The following CAST variants were observed in gnomAD, a reference collection of about 807,000 sequenced individuals.
CAST encodes MIR583 host.
CAST carries 76 observed loss-of-function variants against 119.6 expected under a neutral mutation model. That is an observed-to-expected ratio of 0.64 (90% CI 0.53 to 0.77). The LOEUF is 0.77. CAST is among the 30% of genes least tolerant of loss of function. The probability of loss-of-function intolerance (pLI) is 0.00; values close to 1 mark genes in which losing one functional copy is unlikely to be tolerated. For missense variants in CAST, 953 were observed against 946.5 expected, an observed-to-expected ratio of 1.01 and a Z score of -0.09; for synonymous variants, 319 against 331.6, an observed-to-expected ratio of 0.96 and a Z score of 0.41.
chr5:96,131,737 A>C, the CAST span, among the ~76,000 whole-genome samples: 1 of 152,190 alleles, frequency 6.6e-6, no homozygotes, highest in Non-Finnish European at 1.5e-5. Context: ...TGAGACTGCT[A>C]ACTTCCTAGA....
chr5:96,046,120 C>T, the CAST span, among the ~76,000 whole-genome samples: 5 of 151,434 alleles, frequency 3.3e-5, no homozygotes, highest in Non-Finnish European at 5.9e-5. Context: ...AGGAGGCCAG[C>T]GTGGCTGGAG....
chr5:95,964,671 G>T, the CAST span, among the ~76,000 whole-genome samples: 3 of 152,284 alleles, frequency 2.0e-5, no homozygotes, highest in East Asian at 5.8e-4. Context: ...TGATCTTCAT[G>T]ATGATTCCAG....
chr5:96,502,318 T>C, the CAST span, among the ~76,000 whole-genome samples: 2 of 152,140 alleles, frequency 1.3e-5, no homozygotes, highest in Non-Finnish European at 2.9e-5. Flanking sequence ...CTGGTTGCTT[T>C]TGTTTATATT....
intron 3 of CAST, among the ~76,000 whole-genome samples, chr5:96,718,637 C>T (rs138368236): frequency 1.3e-3 from 204 of 152,036 alleles, no homozygotes; most frequent in African/African-American, 4.8e-3. Flanking sequence ...ACCCAGGGCT[C>T]CTAAAGCCAC....
chr5:96,172,901 G>T, the CAST span, among the ~76,000 whole-genome samples: 2 of 152,282 alleles, frequency 1.3e-5, no homozygotes, highest in African/African-American at 4.8e-5. Context: ...AACTTCCACT[G>T]CTGAGTCTGG....
At chr5:96,562,676 G>C (rs1452691625) in intron 1 of CAST, among the ~76,000 whole-genome samples, 1 of 152,036 alleles carries the variant, frequency 6.6e-6, no homozygotes, top group Non-Finnish European at 1.5e-5. Context: ...ATGACATATG[G>C]GCAAGGATAC....
At chr5:96,757,917 C>T (rs149553645) in intron 24 of CAST, among the ~76,000 whole-genome samples, 2 of 152,146 alleles carry the variant, frequency 1.3e-5, no homozygotes, top group East Asian at 3.9e-4. Context: ...TGTCAGTCTC[C>T]TAACCTCATG....
Position 96,740,949 on chromosome 5 carries a change from G to A in CAST, c.918+166G>A, listed in dbSNP as rs550775382. 1.9e-5 allele frequency: 12 copies of A among 616,524 alleles called. No individual in the cohort carries two copies. The South Asian group carries it at 2.5e-4, about 13-fold the overall frequency. 38.2% of individuals were successfully genotyped at this position (616,524 alleles called of 1,614,324 possible). A position where few individuals can be genotyped will look rare whatever the true frequency, so the allele number is the denominator to read the frequency against. On this transcript the variant is annotated intron_variant, in intron 13 of 31. Coordinates refer to ENST00000675179, the MANE Select transcript of CAST (RefSeq NM_001750.7). ...AGGGGTTGGTGGGAGGGTTGTCTCA[G>A]TGCTCCTGAGTCTCATAAGTAGGTT...
chr5:96,061,020 A>G, the CAST span, among the ~76,000 whole-genome samples: 2 of 152,024 alleles, frequency 1.3e-5, no homozygotes, highest in African/African-American at 4.8e-5. Flanking sequence ...ATCTTTTCTT[A>G]TAAAGACACT....
the CAST span, among the ~76,000 whole-genome samples, chr5:96,077,732 C>T: frequency 6.6e-6 from 1 of 152,312 alleles, no homozygotes; most frequent in South Asian, 2.1e-4. Flanking sequence ...CTCCCCTTCT[C>T]CTTCTACCAT....
the CAST span, among the ~76,000 whole-genome samples, chr5:96,049,229 A>G: frequency 6.6e-6 from 1 of 152,156 alleles, no homozygotes; most frequent in Non-Finnish European, 1.5e-5. Flanking sequence ...ACATGATTTT[A>G]AAAAAAGAAG....
chr5:96,268,861 T>C, the CAST span, among the ~76,000 whole-genome samples: 1 of 152,178 alleles, frequency 6.6e-6, no homozygotes, highest in African/African-American at 2.4e-5. Flanking sequence ...GTAATCCCCA[T>C]GTGTAGGGGA....
the CAST span, among the ~76,000 whole-genome samples, chr5:96,004,877 A>G: frequency 1.3e-5 from 2 of 152,160 alleles, no homozygotes; most frequent in Admixed American, 1.3e-4. Flanking sequence ...TTGTAAAGCA[A>G]CTCTTCAAAA....
chr5:96,076,737 C>T, the CAST span, among the ~76,000 whole-genome samples: 1 of 152,052 alleles, frequency 6.6e-6, no homozygotes, highest in Admixed American at 6.6e-5. Flanking sequence ...AACCATCAAG[C>T]TCAATGATTG....
At chr5:96,481,786 G>C in the CAST span, among the ~76,000 whole-genome samples, 1 of 152,184 alleles carries the variant, frequency 6.6e-6, no homozygotes, top group Non-Finnish European at 1.5e-5. Flanking sequence ...GATTAAGTTG[G>C]TGGTGTTTAG....
chr5:96,205,125 G>A, the CAST span, among the ~76,000 whole-genome samples: 1 of 151,968 alleles, frequency 6.6e-6, no homozygotes, highest in Non-Finnish European at 1.5e-5. Flanking sequence ...AGTTTTAAGA[G>A]TTCTTTATAC....
At chr5:96,429,564 C>A in the CAST span, among the ~76,000 whole-genome samples, 1 of 152,104 alleles carries the variant, frequency 6.6e-6, no homozygotes, top group African/African-American at 2.4e-5. Flanking sequence ...GTATTAAGCC[C>A]AATACCCATT....
chr5:96,240,618 C>A, the CAST span, among the ~76,000 whole-genome samples: 2 of 151,974 alleles, frequency 1.3e-5, no homozygotes, highest in Non-Finnish European at 2.9e-5. Context: ...GGCTGGAGTG[C>A]AGTGGCATGA....
At chr5:96,443,523 ATAC>A in the CAST span, among the ~76,000 whole-genome samples, 1 of 152,340 alleles carries the variant, frequency 6.6e-6, no homozygotes, top group South Asian at 2.1e-4. Context: ...ACCAATTTGG[ATAC>A]TATATCTGTA....
Sources: gnomAD v4.1 joint callset for allele counts (sites outside exome capture counted in the v4.1 genomes callset) on GRCh38, gnomAD v4.1.1 for gene constraint, MANE v1.5 for transcripts, NCBI Gene and HGNC (gene_info 2026-07-23, HGNC 2026-07-21) for gene names.